Variants in KCNIP4 observed in about 807,000 individuals in gnomAD.
KCNIP4 encodes Kv channel-interacting protein 4.
Under a neutral mutation model 34.0 loss-of-function variants are expected in KCNIP4, and 12 were observed. That is an observed-to-expected ratio of 0.35 (90% CI 0.23 to 0.57). The LOEUF (loss-of-function observed/expected upper bound fraction) is 0.57, where lower values mean the gene tolerates loss of function less well. KCNIP4 is among the 20% of genes least tolerant of loss of function. The pLI is 0.83. For synonymous variants in KCNIP4, 124 were observed against 102.2 expected (o/e 1.21, Z -1.29); for missense variants, 238 against 311.7 (o/e 0.76, Z 1.78).
At chr4:21,092,964 A>G (rs1747130988) in intron 1 of KCNIP4, among the ~76,000 whole-genome samples, 2 of 152,266 alleles carry the variant, frequency 1.3e-5, no homozygotes, top group African/African-American at 4.8e-5. Flanking sequence ...ATTCAAAGGC[A>G]TACAAGTACT....
intron 3 of KCNIP4, among the ~76,000 whole-genome samples, chr4:20,795,875 G>T (rs903748775): frequency 6.6e-6 from 1 of 151,996 alleles, no homozygotes; most frequent in Non-Finnish European, 1.5e-5. Flanking sequence ...TCATAAGATG[G>T]TTCACAATGG....
intron 1 of KCNIP4, among the ~76,000 whole-genome samples, chr4:21,785,270 T>C (rs914327135): frequency 4.6e-5 from 7 of 152,018 alleles, no homozygotes; most frequent in African/African-American, 1.7e-4. Context: ...TCACAATTAA[T>C]TTTAGAACAT....
intron 1 of KCNIP4, among the ~76,000 whole-genome samples, chr4:21,755,936 T>C (rs1717482515): frequency 1.3e-5 from 2 of 152,138 alleles, no homozygotes; most frequent in Non-Finnish European, 2.9e-5. Context: ...CATTTTCCCT[T>C]AGATTTTATT....
intron 1 of KCNIP4, among the ~76,000 whole-genome samples, chr4:20,963,322 G>A (rs557419720): frequency 8.0e-5 from 9 of 112,794 alleles, no homozygotes; most frequent in East Asian, 4.7e-4. Flanking sequence ...GCGAGACTCC[G>A]TCTCAAAAAA....
At chr4:21,733,156 AT>A (rs1236720222) in intron 1 of KCNIP4, among the ~76,000 whole-genome samples, 1 of 152,070 alleles carries the variant, frequency 6.6e-6, no homozygotes, top group Non-Finnish European at 1.5e-5. Context: ...ACTTCTCTTC[AT>A]TTTTTATGCG....
chr4:21,368,441 A>G (rs544448074), intron 1 of KCNIP4, among the ~76,000 whole-genome samples: 1 of 147,622 alleles, frequency 6.8e-6, no homozygotes, highest in Non-Finnish European at 1.5e-5. Flanking sequence ...TGTATGGAAC[A>G]CATAATATGT....
chr4:21,089,767 A>G (rs1746817781), intron 1 of KCNIP4, among the ~76,000 whole-genome samples: 1 of 152,064 alleles, frequency 6.6e-6, no homozygotes, highest in African/African-American at 2.4e-5. Context: ...CCTAACTAGT[A>G]TCTTCTCTTG....
At chr4:21,382,152 T>A (rs28582171) in intron 1 of KCNIP4, among the ~76,000 whole-genome samples, 7,327 of 152,198 alleles carry the variant, frequency 0.048, 451 homozygotes, top group African/African-American at 0.13. Flanking sequence ...CTGAAATATG[T>A]AGTACTTGGA....
intron 1 of KCNIP4, among the ~76,000 whole-genome samples, chr4:20,937,004 T>C (rs1378818921): frequency 1.3e-5 from 2 of 151,956 alleles, no homozygotes; most frequent in Non-Finnish European, 2.9e-5. Context: ...AGCGTAACGT[T>C]CTTGGTGTCC....
intron 1 of KCNIP4, among the ~76,000 whole-genome samples, chr4:21,025,514 G>GAGAGAGAT (rs1740449459): frequency 1.0e-5 from 1 of 99,260 alleles, no homozygotes; most frequent in African/African-American, 4.0e-5. Context: ...GAGAGAGAGA[G>GAGAGAGAT]AACTGCAAAA....
At chr4:21,762,835 G>A (rs1046020434) in intron 1 of KCNIP4, 1 of 778,640 alleles carries the variant, frequency 1.3e-6, no homozygotes, top group Admixed American at 3.0e-5. Flanking sequence ...TGAAGAATGT[G>A]TATATATAAG....
intron 1 of KCNIP4, among the ~76,000 whole-genome samples, chr4:21,480,310 T>C (rs898414661): frequency 2.0e-5 from 3 of 152,022 alleles, no homozygotes; most frequent in African/African-American, 7.2e-5. Flanking sequence ...TTTGATACTA[T>C]AAAACAAACA....
rs181806442 is a variant in KCNIP4, at chr4:21,825,231, A to C, written c.61+123340T>G. Among the ~76,000 whole-genome samples, 518 of 152,274 alleles carry C rather than the reference A, an allele frequency of 3.4e-3. 3 individuals carry two copies. The highest frequency in any genetic ancestry group is 0.011 in the African/African-American group (437 of 41,584). ...AGAGATGTGACCAATGCAGGAAGAA[A>C]AAAATATGTATAAAATGAACAAAAT... On this transcript the variant is annotated intron_variant, in intron 1 of 8. Transcript: ENST00000382152.
chr4:21,260,734 T>G (rs1577980321), intron 1 of KCNIP4, among the ~76,000 whole-genome samples: 2 of 152,192 alleles, frequency 1.3e-5, no homozygotes, highest in South Asian at 2.1e-4. Context: ...CTTCAGACAT[T>G]CACTGATGAT....
At chr4:21,456,665 G>A (rs1176012850) in intron 1 of KCNIP4, among the ~76,000 whole-genome samples, 1 of 132,126 alleles carries the variant, frequency 7.6e-6, no homozygotes, top group African/African-American at 3.6e-5. Flanking sequence ...AAATTGGTTT[G>A]CCCAGTAAGT....
chr4:20,978,046 T>G (rs1379183704), intron 1 of KCNIP4, among the ~76,000 whole-genome samples: 1 of 152,190 alleles, frequency 6.6e-6, no homozygotes, highest in Non-Finnish European at 1.5e-5. Flanking sequence ...GCAATAAATC[T>G]AAACGTTTTT....
intron 1 of KCNIP4, among the ~76,000 whole-genome samples, chr4:21,674,732 T>C (rs1749758930): frequency 6.6e-6 from 1 of 152,158 alleles, no homozygotes; most frequent in Non-Finnish European, 1.5e-5. Context: ...GCCTTGGCAG[T>C]ATCTAGAGGA....
Position 20,965,677 on chromosome 4 carries a change from G to T in KCNIP4, c.62-82968C>A, listed in dbSNP as rs116268216. Among the ~76,000 whole-genome samples, 474 of 152,284 alleles carry T rather than the reference G, an allele frequency of 3.1e-3. 2 individuals are homozygous for T. The highest frequency in any genetic ancestry group is 0.01 in the African/African-American group (435 of 41,558). On this transcript the variant is annotated intron_variant, in intron 1 of 8. Coordinates refer to ENST00000382152, the MANE Select transcript of KCNIP4 (RefSeq NM_025221.6). Reference sequence around the variant, plus strand: ...ATTGGCAAGAATAGTTCCTATTATTGTAAAATGTGTGTATTTGAAATATAT... The same window carrying T: ...ATTGGCAAGAATAGTTCCTATTATTTTAAAATGTGTGTATTTGAAATATAT...
chr4:20,975,650 C>G (rs1735414412), intron 1 of KCNIP4, among the ~76,000 whole-genome samples: 1 of 152,124 alleles, frequency 6.6e-6, no homozygotes, highest in African/African-American at 2.4e-5. Flanking sequence ...CTCAATAGTA[C>G]AGAAGGGATA....
Sources: allele counts gnomAD v4.1 joint callset (sites outside exome capture counted in the v4.1 genomes callset), GRCh38; gene constraint gnomAD v4.1.1; transcripts MANE v1.5; gene names NCBI Gene and HGNC (gene_info 2026-07-23, HGNC 2026-07-21).